The following MYH4 variants were observed in gnomAD, a reference collection of about 807,000 sequenced individuals.
The protein encoded by MYH4 is myosin-4.
In MYH4, 200 loss-of-function variants were observed where a neutral mutation model predicts 229.9. The ratio of observed to expected loss-of-function variants is 0.87; its 90% CI spans 0.78 to 0.98. MYH4 has a LOEUF of 0.98. MYH4 is among the 50% of genes least tolerant of loss of function. MYH4 has a pLI of 0.00. For missense variants in MYH4, 2,148 were observed against 2,332.6 expected, an observed-to-expected ratio of 0.92 and a Z score of 1.63; for synonymous variants, 761 against 834.6, an observed-to-expected ratio of 0.91 and a Z score of 1.52.
In MYH4 at chr17:10,452,132, C is replaced by T. The variant is rs756149036; in HGVS notation, c.3547G>A (p.Glu1183Lys). ...GCTTCGTGCTGCAGGGTGGACTCTTCCAGGTCCCTGCGCATTTTCTGGAAC... is the reference window on the plus strand; with the variant it reads ...GCTTCGTGCTGCAGGGTGGACTCTTTCAGGTCCCTGCGCATTTTCTGGAAC... ...AEFQKMRRDL[E>K]ESTLQHEATA... The change falls in exon 27 of 40, where the codon GAA becomes AAA. Residue 1183 changes from glutamate (E) to lysine (K), a missense_variant. Transcript: ENST00000255381. 10 of 1,614,076 alleles carry T rather than the reference C, an allele frequency of 6.2e-6. No homozygotes were observed. In the South Asian group the frequency reaches 7.7e-5, roughly 12 times the overall value.
rs1319912668 is a variant in MYH4 at position 10,450,711 on chromosome 17, A to G, written c.3985-62T>C. 6.8e-6 allele frequency: 11 copies of G among 1,609,782 alleles called. 1 individual carries two copies. The highest frequency in any genetic ancestry group is 7.6e-6 in the Non-Finnish European group (9 of 1,176,710). ...TTCTGATCATTGAAATTCTCTATGC[A>G]AAGTTCAATAGTGTGTTATGTTGCA... is the stretch of plus-strand genomic sequence containing the variant. On this transcript the variant is annotated intron_variant, in intron 29 of 39. Coordinates refer to ENST00000255381, the MANE Select transcript of MYH4 (RefSeq NM_017533.2).
rs911758091 is a variant in MYH4 at position 10,443,916 on chromosome 17, A to G, written c.5668-389T>C. Among the ~76,000 whole-genome samples the G allele has an allele frequency of 2.0e-5, 3 of 148,350 alleles. No homozygotes were observed. On this transcript the variant is annotated intron_variant, in intron 39 of 39. Coordinates refer to ENST00000255381, the MANE Select transcript of MYH4 (RefSeq NM_017533.2). This position sits in a 1 kb window ranked among gnomAD's most constrained non-coding sequence, Gnocchi z 4.6. ...CAACAAGAGCAAAACTCTGCCTCGAAAAAAAAAAAAAGAAGAGAAAAAGGC... is the reference window on the plus strand; with the variant it reads ...CAACAAGAGCAAAACTCTGCCTCGAGAAAAAAAAAAAGAAGAGAAAAAGGC...
rs773280083 is a variant in MYH4 at position 10,465,546 on chromosome 17, A to G, written c.401T>C (p.Val134Ala). 6.2e-7 allele frequency: 1 copy of G among 1,614,034 alleles called. No individual in the cohort carries two copies. The highest frequency in any genetic ancestry group is 1.7e-5 in the Admixed American group (1 of 59,998). Residue 134 changes from valine to alanine, a missense_variant, in exon 5 of 40, where the codon GTG becomes GCG. Transcript: ENST00000255381. ...GGCTGTCACCACCTCAGGGTTGTAC[A>G]CCGGCAGCCACTTGTAGGGGTTGAC... is the stretch of plus-strand genomic sequence containing the variant. ...VTVNPYKWLPVYNPEVVTAYR... is the reference protein window; with the variant it reads ...VTVNPYKWLPAYNPEVVTAYR...
chr17:10,449,693 C>T (rs902851029), intron 30 of MYH4, among the ~76,000 whole-genome samples: 1 of 152,104 alleles, frequency 6.6e-6, no homozygotes, highest in Non-Finnish European at 1.5e-5. Flanking sequence ...GATTTGGTGG[C>T]CTTTGATAAT....
At position 10,469,533 on chromosome 17, in the gene MYH4, A is replaced by G. The variant is rs1201413799; in HGVS notation, c.-89+4T>C. ...AAAGTAAGTGTTCTTCCACATATAC[A>G]TACCTTCAAGAATTTTGAGGAAGGA... On this transcript the variant is annotated splice_donor_region_variant and intron_variant, in intron 1 of 39. Transcript: ENST00000255381. The G allele has an allele frequency of 6.6e-6, 1 of 152,156 alleles. No individual in the cohort carries two copies. The highest frequency in any genetic ancestry group is 1.5e-5 in the Non-Finnish European group (1 of 68,026). The allele number at this position is 152,156 out of a possible 1,614,324, so 9.4% of individuals were successfully genotyped here.
intron 38 of MYH4, 28 bp from the exon 39 acceptor site, chr17:10,444,727 A>G: frequency 6.2e-7 from 1 of 1,612,592 alleles, no homozygotes; most frequent in East Asian, 2.2e-5. Flanking sequence ...AGATGGTGCC[A>G]TTATTTTAAA....
Position 10,450,991 on chromosome 17 carries a change from A to T in MYH4, c.3866-96T>A, listed in dbSNP as rs527652005. ...CATTGTAACCCTCTTATTTCATATGATGAAAAAACCCCTCAAGATTTTCAG... is the reference window on the plus strand; with the variant it reads ...CATTGTAACCCTCTTATTTCATATGTTGAAAAAACCCCTCAAGATTTTCAG... On this transcript the variant is annotated intron_variant, in intron 28 of 39. Coordinates refer to ENST00000255381, the MANE Select transcript of MYH4 (RefSeq NM_017533.2). The T allele has an allele frequency of 3.4e-4, 360 of 1,068,006 alleles. 2 individuals carry two copies. Among genetic ancestry groups the T allele is most frequent in the Middle Eastern group, 6.2e-4 (3 of 4,836 alleles). The allele number at this position is 1,068,006 out of a possible 1,614,324, so 66.2% of individuals were successfully genotyped here.
chr17:10,457,356 C>T (rs1230926997), intron 16 of MYH4, 64 bp downstream of exon 16: 9 of 1,497,826 alleles, frequency 6.0e-6, no homozygotes, highest in East Asian at 2.3e-5. Flanking sequence ...CTACATTTGT[C>T]TCTGTTGAAC....
intron 35 of MYH4, among the ~76,000 whole-genome samples, chr17:10,445,779 A>T (rs547849891): frequency 4.2e-4 from 64 of 152,264 alleles, no homozygotes; most frequent in African/African-American, 1.5e-3. Context: ...CTGTAATCCC[A>T]GCACTTTGGG....
At chr17:10,446,016 A>AG (rs2072508435) in intron 35 of MYH4, among the ~76,000 whole-genome samples, 1 of 111,110 alleles carries the variant, frequency 9.0e-6, no homozygotes, top group African/African-American at 3.6e-5. Flanking sequence ...TGACAGAGTG[A>AG]GACCCCTTCT....
rs772244506 is a variant in MYH4, at chr17:10,447,959, C to A, written c.4824G>T (p.Glu1608Asp). The stretch of plus-strand genomic sequence containing the variant: ...TCAGAGCATCATTTCTGCTCCTGAT[C>A]TCAGCATCCAGTGTACTCTGCATTG... ...VESMQSTLDA[E>D]IRSRNDALRI... The change falls in exon 34 of 40, where the codon GAG (glutamate) becomes GAT (aspartate). Residue 1608 changes from glutamate (E) to aspartate (D), a missense_variant. Transcript: ENST00000255381. 16 of 1,613,900 alleles carry A rather than the reference C, an allele frequency of 9.9e-6. No individual in the cohort carries two copies. In the African/African-American group the frequency reaches 2.1e-4, roughly 22 times the overall value.
chr17:10,452,480 T>G lies in MYH4; in HGVS notation c.3284A>C (p.Gln1095Pro). The change falls in exon 26 of 40, where the codon CAA becomes CCA. Residue 1095 changes from glutamine to proline, a missense_variant. By Grantham distance (76) the Gln-to-Pro change is moderately conservative (BLOSUM62 -1). Transcript: ENST00000255381. ...KKKEFEMSNL[Q>P]GKIEDEQALA... The stretch of plus-strand genomic sequence containing the variant: ...GGCTTGTTCATCTTCAATCTTGCCT[T>G]GCAGATTGCTCATTTCAAACTCTTT... 6.2e-7 allele frequency: 1 copy of G among 1,614,132 alleles called. No individual in the cohort carries two copies. Among genetic ancestry groups the G allele is most frequent in the Non-Finnish European group, 8.5e-7 (1 of 1,180,000 alleles).
chr17:10,447,992 A>G lies in MYH4; in HGVS notation c.4791T>C (p.Val1597=), dbSNP rs984018371. Residue 1597 remains valine, a synonymous_variant, in exon 34 of 40, where the codon GTT becomes GTC. Coordinates refer to ENST00000255381, the MANE Select transcript of MYH4 (RefSeq NM_017533.2). ...LDQLKRNHLR[V]VESMQSTLDA... ...CCAGTGTACTCTGCATTGACTCCAC[A>G]ACTCTGAGATGGTTCCTCTTTAGCT... 1.2e-6 allele frequency: 2 copies of G among 1,613,866 alleles called. No homozygotes were observed. Among genetic ancestry groups the G allele is most frequent in the African/African-American group, 2.7e-5 (2 of 74,872 alleles).
intron 34 of MYH4, 78 bp from the exon 35 acceptor site, chr17:10,447,294 G>A: frequency 8.0e-7 from 1 of 1,251,246 alleles, no homozygotes; most frequent in Non-Finnish European, 1.1e-6. Flanking sequence ...TACACTCTTT[G>A]ATCTTAATGA....
In MYH4 at chr17:10,445,068, G is replaced by T; in HGVS notation, c.5374C>A (p.Gln1792Lys). 6.2e-7 allele frequency: 1 copy of T among 1,614,168 alleles called. No individual in the cohort carries two copies. The highest frequency in any genetic ancestry group is 8.5e-7 in the Non-Finnish European group (1 of 1,180,032). ...CGGAGCTGCAGATCCTTCACGGTCT[G>T]CTCCATGTTCTTCTTCATCCGCTCC... The part of the protein sequence containing the change: ...HLERMKKNME[Q>K]TVKDLQLRLD... The change falls in exon 37 of 40, where the codon CAG becomes AAG. Residue 1792 changes from glutamine to lysine, a missense_variant. Physicochemically the swap from Gln to Lys is moderately conservative, Grantham distance 53. Transcript: ENST00000255381.
chr17:10,448,969 CTT>C lies in MYH4; in HGVS notation c.4258_4259del (p.Lys1420AspfsTer8). ...AVNSKCASLE[K>X]TKQRLQNEVE... ...CTTCATTCTGTAGCCTCTGCTTTGT[CTT>C]TTCAAGAGAAGCACATTTGGAATTC... is the stretch of plus-strand genomic sequence containing the variant. On this transcript the variant is annotated frameshift_variant, in exon 31 of 40. Transcript: ENST00000255381. LOFTEE classifies it high-confidence loss of function. 6.2e-7 allele frequency: 1 copy of C among 1,614,058 alleles called. No individual in the cohort carries two copies. Among genetic ancestry groups the C allele is most frequent in the Non-Finnish European group, 8.5e-7 (1 of 1,179,938 alleles).
intron 28 of MYH4, among the ~76,000 whole-genome samples, 164 bp from the exon 29 acceptor site, chr17:10,451,059 A>C (rs2072567315): frequency 6.6e-6 from 1 of 152,192 alleles, no homozygotes; most frequent in South Asian, 2.1e-4. Context: ...AAAATGTATG[A>C]GTTTTCTTTG....
chr17:10,465,777 T>C (rs968479117), intron 4 of MYH4, among the ~76,000 whole-genome samples, 179 bp from the exon 5 acceptor site: 72 of 139,910 alleles, frequency 5.1e-4, no homozygotes, highest in African/African-American at 1.4e-3. Flanking sequence ...TTTCTTTTTT[T>C]TTTTTTTTTT....
chr17:10,443,958 A>G lies in MYH4; in HGVS notation c.5668-431T>C, dbSNP rs1289279820. Reference sequence around the variant, plus strand: ...GAAAAAGGCTTTATTATTTAGTAACATAGTTATTTGAGAGCAAGGCATCCC... The same window carrying G: ...GAAAAAGGCTTTATTATTTAGTAACGTAGTTATTTGAGAGCAAGGCATCCC... On this transcript the variant is annotated intron_variant, in intron 39 of 39. Transcript: ENST00000255381. This position sits in a 1 kb window ranked among gnomAD's most constrained non-coding sequence, Gnocchi z 4.6. 2.0e-5 allele frequency among the ~76,000 whole-genome samples: 3 copies of G among 152,024 alleles called. No individual in the cohort carries two copies. The highest frequency in any genetic ancestry group is 2.4e-5 in the African/African-American group (1 of 41,400).
Sources: allele counts gnomAD v4.1 joint callset (sites outside exome capture counted in the v4.1 genomes callset), GRCh38; gene constraint gnomAD v4.1.1; non-coding constraint Gnocchi (gnomAD v3.1); transcripts MANE v1.5; gene names NCBI Gene and HGNC (gene_info 2026-07-23, HGNC 2026-07-21).